Variants in ZNF333 observed in about 807,000 individuals in gnomAD.
ZNF333 encodes zinc finger protein 333.
In ZNF333, 61 loss-of-function variants were observed where a neutral mutation model predicts 76.1. That is an observed-to-expected ratio of 0.80 (90% CI 0.65 to 0.99). The LOEUF (loss-of-function observed/expected upper bound fraction) is 0.99, where lower values mean the gene tolerates loss of function less well. Among genes scored for constraint, ZNF333 ranks in the 50% least tolerant of loss-of-function variants. The pLI is 0.00. For missense variants in ZNF333, 717 were observed against 822.4 expected, an observed-to-expected ratio of 0.87 and a Z score of 1.57; for synonymous variants, 284 against 305.0, an observed-to-expected ratio of 0.93 and a Z score of 0.72.
At chr19:14,704,781 C>T (rs916437928) in intron 5 of ZNF333, among the ~76,000 whole-genome samples, 13 of 152,228 alleles carry the variant, frequency 8.5e-5, no homozygotes, top group African/African-American at 1.9e-4. Context: ...TCCCACAACA[C>T]GTGGGAATCC....
At chr19:14,700,349 C>T (rs2146965811) in intron 5 of ZNF333, 1 of 152,192 alleles carries the variant, frequency 6.6e-6, no homozygotes, top group African/African-American at 2.4e-5. Context: ...GGAGCAAGCT[C>T]CACCTGGAGA....
At chr19:14,727,185 G>A (rs1048981947) in intron 11 of ZNF333, among the ~76,000 whole-genome samples, 7 of 151,990 alleles carry the variant, frequency 4.6e-5, no homozygotes, top group East Asian at 3.9e-4. Flanking sequence ...CCGCCACCAC[G>A]CCTGGCTAAT....
Position 14,702,992 on chromosome 19 carries a change from CAGG to C in ZNF333, c.307-2059_307-2057del, listed in dbSNP as rs750105399. Among the ~76,000 whole-genome samples the C allele has an allele frequency of 1.6e-4, 24 of 152,112 alleles. 1 individual carries two copies. In the Middle Eastern group the frequency reaches 0.01, roughly 65 times the overall value. ...GGCCGAGGCGGGCGGATCATGAGGT[CAGG>C]AGATCGAGACCATCCTGGCTAACAT... On this transcript the variant is annotated intron_variant, in intron 5 of 11. Coordinates refer to ENST00000292530, the MANE Select transcript of ZNF333 (RefSeq NM_032433.4).
chr19:14,715,511 C>T, intron 8 of ZNF333, 41 bp downstream of exon 8: 1 of 1,584,778 alleles, frequency 6.3e-7, no homozygotes. Context: ...ACTGCTGTGC[C>T]CAAAGGCTGG....
At chr19:14,693,827 A>G (rs1319973540) in intron 2 of ZNF333, among the ~76,000 whole-genome samples, 2 of 152,014 alleles carry the variant, frequency 1.3e-5, no homozygotes, top group East Asian at 3.8e-4. Flanking sequence ...AAGATTCAGT[A>G]CATTTAGCCG....
rs144856990 is a variant in ZNF333, at chr19:14,718,913, C to T, written c.1586C>T (p.Thr529Ile). The T allele has an allele frequency of 1.2e-6, 2 of 1,614,170 alleles. No homozygotes were observed. Among genetic ancestry groups the T allele is most frequent in the African/African-American group, 1.3e-5 (1 of 75,046 alleles). ...CTGAACGTGCACAAGAGGATACACA[C>T]AGGGGAGAAACTGTATGAGTGCGCG... is the stretch of plus-strand genomic sequence containing the variant. ...THLNVHKRIH[T>I]GEKLYECATC... Residue 529 changes from threonine to isoleucine, a missense_variant, in exon 12 of 12, where the codon ACA becomes ATA. By Grantham distance (89) the Thr-to-Ile change is moderately conservative. Transcript: ENST00000292530.
chr19:14,731,547 G>T (rs2042671623), exon 12 of ZNF333: 1 of 242,954 alleles, frequency 4.1e-6, no homozygotes, highest in South Asian at 9.9e-5. Flanking sequence ...AGAGCTGGAG[G>T]GAGAGGGTTC....
intron 7 of ZNF333, among the ~76,000 whole-genome samples, chr19:14,713,516 T>G (rs1468849316): frequency 1.3e-5 from 2 of 152,128 alleles, no homozygotes; most frequent in African/African-American, 2.4e-5. Flanking sequence ...TGGGTGAGGT[T>G]GCACACCAAG....
chr19:14,699,474 T>C, intron 5 of ZNF333, 193 bp downstream of exon 5: 1 of 524,866 alleles, frequency 1.9e-6, no homozygotes, highest in South Asian at 2.2e-5. Flanking sequence ...ACTTTTTTTT[T>C]TTTTGAGACA....
intron 7 of ZNF333, chr19:14,708,430 G>T (rs2146989051): frequency 2.5e-6 from 1 of 401,212 alleles, no homozygotes; most frequent in East Asian, 3.6e-5. Flanking sequence ...TCAGCTGGGT[G>T]GTCAGAGTTC....
intron 7 of ZNF333, among the ~76,000 whole-genome samples, chr19:14,713,613 A>G (rs1285985403): frequency 6.6e-6 from 1 of 152,072 alleles, no homozygotes; most frequent in African/African-American, 2.4e-5. Flanking sequence ...CTTACAGGAA[A>G]AAGAGGAGGC....
chr19:14,703,217 A>C (rs1183758768), intron 5 of ZNF333, among the ~76,000 whole-genome samples: 1 of 151,710 alleles, frequency 6.6e-6, no homozygotes, highest in Non-Finnish European at 1.5e-5. Context: ...AAAAAAAAAA[A>C]AAAAACCATC....
exon 12 of ZNF333, chr19:14,731,320 C>T (rs2042669458): frequency 1.1e-6 from 1 of 884,564 alleles, no homozygotes; most frequent in East Asian, 2.7e-5. Flanking sequence ...AGGTCAGTGG[C>T]CTTGGACTTT....
chr19:14,725,247 A>G (rs561799647), downstream of ZNF333, among the ~76,000 whole-genome samples: 8 of 152,258 alleles, frequency 5.3e-5, no homozygotes, highest in South Asian at 1.0e-3. Flanking sequence ...GGATGACACT[A>G]AGCCATTCAT....
chr19:14,729,544 G>T lies in ZNF333; in HGVS notation c.901-1631G>T, dbSNP rs2042654838. 2.0e-5 allele frequency among the ~76,000 whole-genome samples: 3 copies of T among 151,938 alleles called. No individual in the cohort carries two copies. The South Asian group carries it at 6.2e-4, about 32-fold the overall frequency. ...TGGCTAATATTTTTTGTAGAGTTAG[G>T]GTTTCTCCATTTTGCCCAGGCTGGG... On this transcript the variant is annotated intron_variant, in intron 11 of 11. Coordinates refer to the ZNF333 transcript ENST00000540689.
At chr19:14,692,278 A>G (rs760539733) in intron 1 of ZNF333, among the ~76,000 whole-genome samples, 1 of 152,232 alleles carries the variant, frequency 6.6e-6, no homozygotes. Context: ...TTGAACCTTC[A>G]AGATGAGTTG....
At position 14,720,370 on chromosome 19, in the gene ZNF333, G is replaced by A; in HGVS notation, c.*1045G>A. 1.0e-6 allele frequency: 1 copy of A among 985,400 alleles called. No homozygotes were observed. Among genetic ancestry groups the A allele is most frequent in the South Asian group, 4.7e-5 (1 of 21,292 alleles). The allele number at this position is 985,400 out of a possible 1,614,324, so 61.0% of individuals were successfully genotyped here. ...TCTCCACTTCTTGCCTTTTGGACAA[G>A]TAGACATGATTTCTAGACCTAGAGG... On this transcript the variant is annotated 3_prime_UTR_variant, in exon 12 of 12. Transcript: ENST00000292530.
At chr19:14,716,749 C>T (rs756910668) in intron 9 of ZNF333, among the ~76,000 whole-genome samples, 21 of 152,214 alleles carry the variant, frequency 1.4e-4, no homozygotes, top group Non-Finnish European at 3.1e-4. Flanking sequence ...TTTTGGGCTT[C>T]TCAAAGGTAT....
chr19:14,715,114 G>T, intron 7 of ZNF333: 1 of 394,814 alleles, frequency 2.5e-6, no homozygotes, highest in Non-Finnish European at 4.8e-6. Flanking sequence ...TTATATATAT[G>T]AACAGGTGCA....
Sources: allele counts gnomAD v4.1 joint callset (sites outside exome capture counted in the v4.1 genomes callset), GRCh38; gene constraint gnomAD v4.1.1; transcripts MANE v1.5; gene names NCBI Gene and HGNC (gene_info 2026-07-23, HGNC 2026-07-21).